Variants in LCOR observed in about 807,000 individuals in gnomAD.
LCOR encodes the protein ligand dependent nuclear receptor corepressor.
LCOR carries 14 observed loss-of-function variants against 64.4 expected under a neutral mutation model. The ratio of observed to expected loss-of-function variants is 0.22; its 90% CI spans 0.14 to 0.34. LCOR has a LOEUF of 0.34. Ranked by LOEUF, LCOR falls within the 10% of genes least tolerant of loss-of-function variation. The pLI is 1.00. For synonymous variants in LCOR, 643 were observed against 642.5 expected, an observed-to-expected ratio of 1.00 and a Z score of -0.01; for missense variants, 1,686 against 1,765.3, an observed-to-expected ratio of 0.96 and a Z score of 0.80.
chr10:96,871,563 C>T (rs1178985465), intron 2 of LCOR, among the ~76,000 whole-genome samples: 1 of 151,432 alleles, frequency 6.6e-6, no homozygotes, highest in African/African-American at 2.4e-5. Context: ...CAGGCGTGAG[C>T]CACCACGCCT....
At chr10:96,878,037 G>C (rs1329306987) in intron 2 of LCOR, among the ~76,000 whole-genome samples, 2 of 152,152 alleles carry the variant, frequency 1.3e-5, no homozygotes, top group African/African-American at 4.8e-5. Flanking sequence ...GAATGAGAGA[G>C]AGTACTATTT....
At position 96,846,748 on chromosome 10, in the gene LCOR, C is replaced by G. The variant is rs189465808; in HGVS notation, c.-330+13269C>G. On this transcript the variant is annotated intron_variant, in intron 2 of 7. Coordinates refer to ENST00000421806, the MANE Select transcript of LCOR (RefSeq NM_001346516.2). The stretch of plus-strand genomic sequence containing the variant: ...AAATAAATAGACATATACTGAGAAA[C>G]CCCCATACATCTACTGAAAACAGTT... Among the ~76,000 whole-genome samples, 522 of 152,178 alleles carry G rather than the reference C, an allele frequency of 3.4e-3. 3 individuals carry two copies. Among genetic ancestry groups the G allele is most frequent in the African/African-American group, 0.011 (461 of 41,516 alleles).
chr10:96,839,062 C>CA (rs770177853), intron 2 of LCOR, among the ~76,000 whole-genome samples: 1 of 151,986 alleles, frequency 6.6e-6, no homozygotes, highest in African/African-American at 2.4e-5. Context: ...GAAATAAATA[C>CA]AAAAAAATAA....
At chr10:96,843,004 AGTC>A (rs1845567609) in intron 2 of LCOR, among the ~76,000 whole-genome samples, 1 of 152,176 alleles carries the variant, frequency 6.6e-6, no homozygotes, top group African/African-American at 2.4e-5. Context: ...TGTTAAATTG[AGTC>A]ATGCACAGAT....
At chr10:96,956,217 C>A (rs1820551182) in intron 7 of LCOR, 2 of 1,079,970 alleles carry the variant, frequency 1.9e-6, no homozygotes, top group African/African-American at 1.7e-5. Flanking sequence ...CCTGTAGAGC[C>A]TGCATGCTTT....
Position 96,910,619 on chromosome 10 carries a change from G to A in LCOR, c.-184+2872G>A, listed in dbSNP as rs867028546. Among the ~76,000 whole-genome samples the A allele has an allele frequency of 3.3e-5, 5 of 152,142 alleles. 1 individual carries two copies. The South Asian group carries it at 8.3e-4, about 25-fold the overall frequency. ...TGTTTTTTGGAAATGTATTATATCC[G>A]TTGGACTGAGGCTTGCATTTTAAGG... On this transcript the variant is annotated intron_variant, in intron 4 of 7. Coordinates refer to ENST00000421806, the MANE Select transcript of LCOR (RefSeq NM_001346516.2).
Position 96,877,370 on chromosome 10 carries a change from C to A in LCOR, c.-329-29895C>A, listed in dbSNP as rs1678066235. Among the ~76,000 whole-genome samples, 6 of 151,870 alleles carry A rather than the reference C, an allele frequency of 4.0e-5. No individual in the cohort carries two copies. In the South Asian group the frequency reaches 8.3e-4, roughly 21 times the overall value. On this transcript the variant is annotated intron_variant, in intron 2 of 7. Transcript: ENST00000421806. The stretch of plus-strand genomic sequence containing the variant: ...GAAAACCCTATCTCTACAAAACATT[C>A]AAAAATTAGCTGAATGTGGTGATAC...
intron 2 of LCOR, among the ~76,000 whole-genome samples, chr10:96,903,225 C>G (rs186888872): frequency 6.6e-6 from 1 of 152,250 alleles, no homozygotes; most frequent in African/African-American, 2.4e-5. Flanking sequence ...CTGTACGCTA[C>G]TGTAGACTTA....
intron 2 of LCOR, among the ~76,000 whole-genome samples, chr10:96,890,113 TTTTG>T (rs1181150412): frequency 7.0e-6 from 1 of 142,108 alleles, no homozygotes; most frequent in Admixed American, 6.9e-5. Flanking sequence ...TTTTGTTTTG[TTTTG>T]TTTGAGATGG....
At chr10:96,897,883 TTTTG>T (rs1319238822) in intron 2 of LCOR, among the ~76,000 whole-genome samples, 1 of 151,084 alleles carries the variant, frequency 6.6e-6, no homozygotes, top group Non-Finnish European at 1.5e-5. Context: ...TTTTTTTTTT[TTTTG>T]TTTGGTCAGA....
intron 5 of LCOR, among the ~76,000 whole-genome samples, chr10:96,947,373 A>G (rs1277152841): frequency 6.6e-6 from 1 of 152,084 alleles, no homozygotes; most frequent in Non-Finnish European, 1.5e-5. Context: ...TTTCGGGGGA[A>G]AAAATTGCCT....
intron 7 of LCOR, chr10:96,959,650 A>G (rs1023337407): frequency 6.6e-6 from 1 of 152,124 alleles, no homozygotes; most frequent in East Asian, 1.9e-4. Context: ...TGAGCTATAC[A>G]CTTTTTTTCT....
intron 2 of LCOR, among the ~76,000 whole-genome samples, chr10:96,901,181 T>A (rs1846630533): frequency 6.6e-6 from 1 of 151,454 alleles, no homozygotes; most frequent in Non-Finnish European, 1.5e-5. Context: ...AGAGACTCCG[T>A]CTCAAAAAAA....
chr10:96,952,251 G>T (rs118148005), intron 7 of LCOR, 55 bp downstream of exon 7: 2 of 1,159,782 alleles, frequency 1.7e-6, no homozygotes, highest in African/African-American at 1.5e-5. Flanking sequence ...TTCATCAAAG[G>T]TTGATGCCAG....
chr10:96,942,608 A>G (rs1002401755), intron 4 of LCOR, among the ~76,000 whole-genome samples: 14 of 152,200 alleles, frequency 9.2e-5, no homozygotes, highest in Non-Finnish European at 1.9e-4. Context: ...TGAGTTCTTC[A>G]TATTAAGCTT....
intron 2 of LCOR, among the ~76,000 whole-genome samples, chr10:96,870,986 T>C (rs1442576229): frequency 6.6e-6 from 1 of 152,208 alleles, no homozygotes; most frequent in Non-Finnish European, 1.5e-5. Flanking sequence ...CCTTAGACCA[T>C]ATTGAGCTCC....
intron 4 of LCOR, among the ~76,000 whole-genome samples, chr10:96,934,794 G>A (rs919954476): frequency 6.6e-6 from 1 of 151,972 alleles, no homozygotes; most frequent in African/African-American, 2.4e-5. Flanking sequence ...TAGAGACAGG[G>A]TTTTGCCATG....
At chr10:96,904,000 GT>G (rs1846686555) in intron 2 of LCOR, among the ~76,000 whole-genome samples, 1 of 152,154 alleles carries the variant, frequency 6.6e-6, no homozygotes. Context: ...AAAAGACAGT[GT>G]TTTGTAAATG....
At chr10:96,965,751 A>G (rs564638153) in intron 7 of LCOR, among the ~76,000 whole-genome samples, 1 of 151,544 alleles carries the variant, frequency 6.6e-6, no homozygotes, top group South Asian at 2.1e-4. Context: ...TATTAGTACT[A>G]CAGACTTGTT....
Sources: gnomAD v4.1 joint callset for allele counts (sites outside exome capture counted in the v4.1 genomes callset) on GRCh38, gnomAD v4.1.1 for gene constraint, MANE v1.5 for transcripts, NCBI Gene and HGNC (gene_info 2026-07-23, HGNC 2026-07-21) for gene names.